ADGRA2: variants seen among roughly 807,000 people sequenced by gnomAD.
The protein encoded by ADGRA2 is adhesion G protein-coupled receptor A2, also known as G-protein coupled receptor 124.
Under a neutral mutation model 98.7 loss-of-function variants are expected in ADGRA2, and 61 were observed. That is an observed-to-expected ratio of 0.62 (90% CI 0.50 to 0.76). The LOEUF is 0.76. Ranked by LOEUF, ADGRA2 falls within the 30% of genes least tolerant of loss-of-function variation. The pLI, the probability that ADGRA2 is intolerant of heterozygous loss-of-function variation, is 0.00. For synonymous variants in ADGRA2, 858 were observed against 831.5 expected, an observed-to-expected ratio of 1.03 and a Z score of -0.55; for missense variants, 1,712 against 1,860.0, an observed-to-expected ratio of 0.92 and a Z score of 1.46.
chr8:37,834,151 G>A lies in ADGRA2; in HGVS notation c.1608+23G>A, dbSNP rs758645856. The A allele has an allele frequency of 1.9e-6, 3 of 1,594,410 alleles. No individual in the cohort carries two copies. In the South Asian group the frequency reaches 3.3e-5, roughly 18 times the overall value. ...GTGGTAATGGGGGTCAGCAGAGGGG[G>A]TGGCCCTGGCATGCAGAGGAGGGAG... On this transcript the variant is annotated intron_variant, in intron 11 of 18. Transcript: ENST00000412232. The surrounding 1 kb of genome is among the most constrained non-coding windows in gnomAD (Gnocchi z 4.2).
rs1805874686 is a variant in ADGRA2, at chr8:37,843,432, C to T, written c.*1077C>T. On this transcript the variant is annotated 3_prime_UTR_variant, in exon 19 of 19. Coordinates refer to ENST00000412232, the MANE Select transcript of ADGRA2 (RefSeq NM_032777.10). ...CAGGAGCTCAAGCCAAGCCCAGAGG[C>T]AGTGGCTGGGGTCCCTGCAGGTCAT... 6.6e-6 allele frequency: 1 copy of T among 152,296 alleles called. No individual in the cohort carries two copies. The highest frequency in any genetic ancestry group is 2.4e-5 in the African/African-American group (1 of 41,466). The allele number at this position is 152,296 out of a possible 1,614,324, so 9.4% of individuals were successfully genotyped here. A position where few individuals can be genotyped will look rare whatever the true frequency, so the allele number is the denominator to read the frequency against.
rs35211276 is a variant in ADGRA2, at chr8:37,832,119, C to CTTT, written c.1097+542_1097+544dup. Among the ~76,000 whole-genome samples, 192 of 146,128 alleles carry CTTT rather than the reference C, an allele frequency of 1.3e-3. 1 individual carries two copies. Among genetic ancestry groups the CTTT allele is most frequent in the Non-Finnish European group, 2.0e-3 (134 of 67,246 alleles). On this transcript the variant is annotated intron_variant, in intron 8 of 18. Coordinates refer to ENST00000412232, the MANE Select transcript of ADGRA2 (RefSeq NM_032777.10). Reference sequence around the variant, plus strand: ...ATCTGAGATGTGCTGCAGAAAAAGACTTTTTTTTTTTTGAGAGAGAGTCTC... The same window carrying CTTT: ...ATCTGAGATGTGCTGCAGAAAAAGACTTTTTTTTTTTTTTTGAGAGAGAGTCTC...
chr8:37,812,196 C>G (rs1316303091), intron 1 of ADGRA2, among the ~76,000 whole-genome samples: 2 of 151,714 alleles, frequency 1.3e-5, no homozygotes. Context: ...TTGTTGTCAG[C>G]TCTCTGTTAA....
chr8:37,808,687 C>A (rs1287628431), intron 1 of ADGRA2, among the ~76,000 whole-genome samples: 1 of 152,152 alleles, frequency 6.6e-6, no homozygotes, highest in African/African-American at 2.4e-5. Flanking sequence ...CACAGTGGCT[C>A]ATCCCTATAA....
chr8:37,798,943 G>A (rs1585958699), intron 1 of ADGRA2, among the ~76,000 whole-genome samples: 1 of 152,242 alleles, frequency 6.6e-6, no homozygotes, highest in Non-Finnish European at 1.5e-5. Flanking sequence ...GCTGTTCAGG[G>A]CAGCTCTCTC....
chr8:37,840,858 C>A lies in ADGRA2; in HGVS notation c.2747+9C>A. On this transcript the variant is annotated intron_variant, in intron 18 of 18. Transcript: ENST00000412232. ...CGGGACCACAGCCCCTAGTGAGCAC[C>A]CCTCCCTCCCGCCCCAAGCCTACCT... 4 of 1,006,554 alleles carry A rather than the reference C, an allele frequency of 4.0e-6. No homozygotes were observed. Among genetic ancestry groups the A allele is most frequent in the East Asian group, 7.7e-5 (2 of 25,928 alleles). 62.4% of individuals were successfully genotyped at this position (1,006,554 alleles called of 1,614,324 possible). A position where few individuals can be genotyped will look rare whatever the true frequency, so the allele number is the denominator to read the frequency against.
intron 2 of ADGRA2, among the ~76,000 whole-genome samples, chr8:37,827,273 C>T (rs909322716): frequency 6.6e-6 from 1 of 152,254 alleles, no homozygotes; most frequent in African/African-American, 2.4e-5. Context: ...GTGCAGGGCA[C>T]AGAGGACAGG....
rs1804924011 is a variant in ADGRA2 at position 37,814,497 on chromosome 8, C to T, written c.267-399C>T. On this transcript the variant is annotated intron_variant, in intron 1 of 18. Transcript: ENST00000412232. This position sits in a 1 kb window ranked among gnomAD's most constrained non-coding sequence, Gnocchi z 4.3. ...GGCCCCGTTCAAGCCATTCTCCCCA[C>T]CACTCTCTTCGGGATATTGGGTGAA... 6.6e-6 allele frequency among the ~76,000 whole-genome samples: 1 copy of T among 152,212 alleles called. No homozygotes were observed. Among genetic ancestry groups the T allele is most frequent in the Non-Finnish European group, 1.5e-5 (1 of 68,046 alleles).
At chr8:37,816,559 T>C (rs1804986094) in intron 2 of ADGRA2, among the ~76,000 whole-genome samples, 3 of 150,644 alleles carry the variant, frequency 2.0e-5, no homozygotes, top group African/African-American at 7.4e-5. Context: ...GCCACTGCAC[T>C]CCAGCCTGTG....
intron 8 of ADGRA2, among the ~76,000 whole-genome samples, chr8:37,832,358 A>T (rs1805483304): frequency 6.6e-6 from 1 of 151,914 alleles, no homozygotes; most frequent in African/African-American, 2.4e-5. Context: ...TTTTTTTTAG[A>T]CAGGGTCTTG....
intron 2 of ADGRA2, among the ~76,000 whole-genome samples, chr8:37,819,501 T>G (rs1805070162): frequency 6.6e-6 from 1 of 152,162 alleles, no homozygotes; most frequent in Non-Finnish European, 1.5e-5. Flanking sequence ...CCCAAGTAAC[T>G]GGGATTACAG....
At chr8:37,836,838 C>T (rs574743253) in intron 13 of ADGRA2, among the ~76,000 whole-genome samples, 6 of 152,290 alleles carry the variant, frequency 3.9e-5, no homozygotes, top group African/African-American at 1.4e-4. Context: ...AAGGCACTGC[C>T]ACCCCACCGT....
Position 37,833,173 on chromosome 8 carries a change from AACG to A in ADGRA2, c.1264_1266del (p.Asp422del), listed in dbSNP as rs768512532. ...GGACTACTCCCACTGTCTCTACACCAACGACATCACCAGGGTGCTGTACACCTT... is the reference window on the plus strand; with the variant it reads ...GGACTACTCCCACTGTCTCTACACCAACATCACCAGGGTGCTGTACACCTT... On this transcript the variant is annotated inframe_deletion, in exon 9 of 19. Transcript: ENST00000412232. 6.2e-7 allele frequency: 1 copy of A among 1,612,934 alleles called. No homozygotes were observed. Among genetic ancestry groups the A allele is most frequent in the Non-Finnish European group, 8.5e-7 (1 of 1,179,764 alleles).
intron 1 of ADGRA2, among the ~76,000 whole-genome samples, chr8:37,799,315 C>T (rs1271240703): frequency 6.6e-6 from 1 of 150,890 alleles, no homozygotes; most frequent in Non-Finnish European, 1.5e-5. Flanking sequence ...GCGGAGGTTG[C>T]AGTGAGCCGC....
chr8:37,819,759 C>T (rs1471587471), intron 2 of ADGRA2, among the ~76,000 whole-genome samples: 4 of 152,096 alleles, frequency 2.6e-5, no homozygotes, highest in African/African-American at 9.7e-5. Flanking sequence ...CAACCTCCAC[C>T]TCCCAGGTTC....
intron 1 of ADGRA2, among the ~76,000 whole-genome samples, chr8:37,799,653 C>T (rs527803312): frequency 7.2e-5 from 11 of 152,222 alleles, no homozygotes; most frequent in African/African-American, 2.4e-4. Context: ...ACATTAGAAC[C>T]GGCTGGCAGC....
intron 14 of ADGRA2, 29 bp from the exon 15 acceptor site, chr8:37,838,927 C>G: frequency 1.3e-6 from 2 of 1,545,214 alleles, no homozygotes; most frequent in Non-Finnish European, 1.7e-6. Flanking sequence ...GTCCACATTC[C>G]TCACGTCCTC....
chr8:37,822,423 T>TAGACATAAA (rs1563344222), intron 2 of ADGRA2, among the ~76,000 whole-genome samples: 69 of 150,686 alleles, frequency 4.6e-4, no homozygotes, highest in African/African-American at 1.5e-3. Flanking sequence ...ACATGCTCTT[T>TAGACATAAA]AACTCACATG....
chr8:37,827,995 T>A (rs1457694474), intron 2 of ADGRA2, among the ~76,000 whole-genome samples: 1 of 151,668 alleles, frequency 6.6e-6, no homozygotes, highest in African/African-American at 2.4e-5. Context: ...TTTTTTAAAT[T>A]AGCGGGTGTG....
Sources: allele counts gnomAD v4.1 joint callset (sites outside exome capture counted in the v4.1 genomes callset), GRCh38; gene constraint gnomAD v4.1.1; non-coding constraint Gnocchi (gnomAD v3.1); transcripts MANE v1.5; gene names NCBI Gene and HGNC (gene_info 2026-07-23, HGNC 2026-07-21).